SACM1L: variants seen among roughly 807,000 people sequenced by gnomAD.
SACM1L encodes the protein phosphatidylinositol-3-phosphatase SAC1.
A neutral mutation model predicts 89.5 loss-of-function variants in SACM1L; 32 were observed. That is an observed-to-expected ratio of 0.36 (90% CI 0.27 to 0.48). The LOEUF (loss-of-function observed/expected upper bound fraction) is 0.48. Ranked by LOEUF, SACM1L falls within the 20% of genes least tolerant of loss-of-function variation. The probability of loss-of-function intolerance (pLI) is 0.99; values close to 1 mark genes in which losing one functional copy is unlikely to be tolerated. For synonymous variants in SACM1L, 213 were observed against 232.8 expected (o/e 0.92, Z 0.77); for missense variants, 543 against 708.5 (o/e 0.77, Z 2.65).
Position 45,744,474 on chromosome 3 carries a change from C to G in SACM1L, c.*805C>G, listed in dbSNP as rs34567722. 0.031 allele frequency: 4,798 copies of G among 152,712 alleles called. 134 individuals are homozygous for G. The highest frequency in any genetic ancestry group is 0.15 in the East Asian group (790 of 5,178). 9.5% of individuals were successfully genotyped at this position (152,712 alleles called of 1,614,324 possible). A position where few individuals can be genotyped will look rare whatever the true frequency, so the allele number is the denominator to read the frequency against. On this transcript the variant is annotated 3_prime_UTR_variant, in exon 20 of 20. Transcript: ENST00000389061. ...CCCATGACTGGTCAGCTACTTCCTC[C>G]TATACATTTTGGTTTCTTTGAGGGT...
Position 45,693,793 on chromosome 3 carries a change from A to G in SACM1L, c.32+4296A>G, listed in dbSNP as rs182541319. Among the ~76,000 whole-genome samples, 35 of 152,372 alleles carry G rather than the reference A, an allele frequency of 2.3e-4. No individual in the cohort carries two copies. The East Asian group carries it at 6.7e-3, about 29-fold the overall frequency. ...TTAATTTCCATATGTTTAATGTGGAAAACAGAATATTGATTTGCTCAGAAT... is the reference window on the plus strand; with the variant it reads ...TTAATTTCCATATGTTTAATGTGGAGAACAGAATATTGATTTGCTCAGAAT... On this transcript the variant is annotated intron_variant, in intron 1 of 19. Coordinates refer to ENST00000389061, the MANE Select transcript of SACM1L (RefSeq NM_014016.5).
In SACM1L at chr3:45,727,047, G is replaced by A. The variant is rs1174589246; in HGVS notation, c.921+3504G>A. On this transcript the variant is annotated intron_variant, in intron 11 of 19. Transcript: ENST00000389061. ...ACTACAGGCGCCCGCCACCGCGCCC[G>A]GCTAATTTTTTGTATTTTTAGTAGA... Among the ~76,000 whole-genome samples the A allele has an allele frequency of 6.9e-5, 5 of 72,896 alleles. 1 individual carries two copies. Among genetic ancestry groups the A allele is most frequent in the South Asian group, 7.1e-4 (2 of 2,830 alleles). The allele number at this position is 72,896 out of a possible 152,430, so 47.8% of individuals were successfully genotyped here. A position where few individuals can be genotyped will look rare whatever the true frequency, so the allele number is the denominator to read the frequency against.
intron 5 of SACM1L, among the ~76,000 whole-genome samples, chr3:45,710,272 C>T (rs1169009268): frequency 6.6e-6 from 1 of 151,404 alleles, no homozygotes; most frequent in African/African-American, 2.4e-5. Context: ...GCGATCTCAG[C>T]TCACTGCAAC....
At chr3:45,699,335 A>G (rs1438858720) in intron 1 of SACM1L, among the ~76,000 whole-genome samples, 2 of 151,316 alleles carry the variant, frequency 1.3e-5, no homozygotes, top group African/African-American at 4.8e-5. Context: ...GTAAAAATAA[A>G]AAAATAAAAA....
At chr3:45,695,938 AT>A (rs1478820464) in intron 1 of SACM1L, among the ~76,000 whole-genome samples, 1 of 148,204 alleles carries the variant, frequency 6.7e-6, no homozygotes, top group Non-Finnish European at 1.5e-5. Flanking sequence ...TGACTGGTTT[AT>A]TTCACTTAGC....
In SACM1L at chr3:45,735,140, T is replaced by G. The variant is rs879043363; in HGVS notation, c.1101-95T>G. The G allele has an allele frequency of 2.3e-5, 27 of 1,173,206 alleles. No individual in the cohort carries two copies. The South Asian group carries it at 4.2e-4, about 18-fold the overall frequency. 72.7% of individuals were successfully genotyped at this position (1,173,206 alleles called of 1,614,324 possible). On this transcript the variant is annotated intron_variant, in intron 13 of 19. Transcript: ENST00000389061. ...TGACCTTTTAATTTACAGTTTTTAA[T>G]AATGTCACTGAAATGAGACCCATGT...
At chr3:45,725,211 A>G (rs368026886) in intron 11 of SACM1L, among the ~76,000 whole-genome samples, 4 of 152,136 alleles carry the variant, frequency 2.6e-5, no homozygotes, top group Non-Finnish European at 2.9e-5. Context: ...TGGTTTTTCT[A>G]TTTCTGCAAA....
chr3:45,702,949 T>C (rs975031328), intron 1 of SACM1L, among the ~76,000 whole-genome samples: 2 of 152,224 alleles, frequency 1.3e-5, no homozygotes, highest in Non-Finnish European at 2.9e-5. Context: ...TGTTTTTAGC[T>C]AATACCTCTT....
At chr3:45,715,038 A>ACT (rs1698617812) in intron 7 of SACM1L, among the ~76,000 whole-genome samples, 1 of 152,248 alleles carries the variant, frequency 6.6e-6, no homozygotes, top group Non-Finnish European at 1.5e-5. Flanking sequence ...TTAGTACAGT[A>ACT]ACATGCTATA....
At chr3:45,706,260 C>T (rs1327046234) in intron 3 of SACM1L, among the ~76,000 whole-genome samples, 1 of 152,170 alleles carries the variant, frequency 6.6e-6, no homozygotes, top group Non-Finnish European at 1.5e-5. Flanking sequence ...GTTGTGATGA[C>T]TCCTTGATTC....
At chr3:45,737,000 G>C (rs1356591348) in intron 14 of SACM1L, among the ~76,000 whole-genome samples, 1 of 152,192 alleles carries the variant, frequency 6.6e-6, no homozygotes, top group Non-Finnish European at 1.5e-5. Context: ...GATGGTCTGA[G>C]ACAAGGCAGG....
intron 12 of SACM1L, 57 bp downstream of exon 12, chr3:45,731,437 A>G (rs1699051788): frequency 8.8e-7 from 1 of 1,137,564 alleles, no homozygotes; most frequent in South Asian, 1.3e-5. Context: ...ACTTACATAT[A>G]TGCATGATTA....
In SACM1L at chr3:45,731,337, A is replaced by T; in HGVS notation, c.958A>T (p.Thr320Ser). 6.2e-7 allele frequency: 1 copy of T among 1,613,584 alleles called. No homozygotes were observed. Among genetic ancestry groups the T allele is most frequent in the Non-Finnish European group, 8.5e-7 (1 of 1,179,634 alleles). The change falls in exon 12 of 20, where the codon ACA (threonine) becomes TCA (serine). Residue 320 changes from threonine to serine, a missense_variant. By Grantham distance (58) the Thr-to-Ser change is moderately conservative (BLOSUM62 1). Transcript: ENST00000389061. ...GGGCTCGGAGAAGCCACTTGAGCAG[A>T]CATTTGCAACAATGGTGTCTTCCTT... is the stretch of plus-strand genomic sequence containing the variant. Reference protein sequence around the residue: ...QKGSEKPLEQTFATMVSSLGS... With the variant: ...QKGSEKPLEQSFATMVSSLGS...
At chr3:45,728,632 A>T (rs185161619) in intron 11 of SACM1L, among the ~76,000 whole-genome samples, 1 of 152,272 alleles carries the variant, frequency 6.6e-6, no homozygotes, top group East Asian at 1.9e-4. Context: ...AGTAACATCA[A>T]TATATAATTA....
At chr3:45,710,092 CA>C (rs1309597816) in intron 5 of SACM1L, among the ~76,000 whole-genome samples, 1 of 152,126 alleles carries the variant, frequency 6.6e-6, no homozygotes, top group African/African-American at 2.4e-5. Context: ...CATATTCTAA[CA>C]GTTGATATTT....
intron 11 of SACM1L, among the ~76,000 whole-genome samples, chr3:45,724,676 C>T (rs940589833): frequency 6.6e-6 from 1 of 152,112 alleles, no homozygotes; most frequent in South Asian, 2.1e-4. Flanking sequence ...TGCCTCTGCT[C>T]TTGGTGTCAA....
intron 1 of SACM1L, among the ~76,000 whole-genome samples, chr3:45,693,050 A>C (rs1451751110): frequency 6.6e-6 from 1 of 152,226 alleles, no homozygotes; most frequent in African/African-American, 2.4e-5. Flanking sequence ...GCTATATGGA[A>C]TAGCCAGTTG....
chr3:45,732,579 C>T (rs747568415), intron 13 of SACM1L, among the ~76,000 whole-genome samples: 1 of 152,030 alleles, frequency 6.6e-6, no homozygotes, highest in African/African-American at 2.4e-5. Context: ...TTTTCTTCAC[C>T]CTGAGCACCT....
At chr3:45,697,269 C>CTTTTTTTTTTTTTTTTTTTTTTTTTTTT (rs869095037) in intron 1 of SACM1L, among the ~76,000 whole-genome samples, 1 of 92,118 alleles carries the variant, frequency 1.1e-5, no homozygotes. Flanking sequence ...TTTTCTTTTC[C>CTTTTTTTTTTTTTTTTTTTTTTTTTTTT]TTTTTTTTTT....
Sources: allele counts gnomAD v4.1 joint callset (sites outside exome capture counted in the v4.1 genomes callset), GRCh38; gene constraint gnomAD v4.1.1; transcripts MANE v1.5; gene names NCBI Gene and HGNC (gene_info 2026-07-23, HGNC 2026-07-21).